TBCE: variants seen among roughly 807,000 people sequenced by gnomAD.
TBCE encodes tubulin-specific chaperone E.
TBCE carries 53 observed loss-of-function variants against 77.0 expected under a neutral mutation model. That is an observed-to-expected ratio of 0.69 (90% CI 0.55 to 0.87). The LOEUF (loss-of-function observed/expected upper bound fraction) is 0.87, where lower values mean the gene tolerates loss of function less well. Ranked by LOEUF, TBCE falls within the 40% of genes least tolerant of loss-of-function variation. The pLI is 0.00. For missense variants in TBCE, 624 were observed against 622.4 expected (o/e 1.00, Z -0.03); for synonymous variants, 235 against 241.3 (o/e 0.97, Z 0.24).
chr1:235,386,847 T>C (rs891410782), intron 2 of TBCE, among the ~76,000 whole-genome samples: 30 of 152,222 alleles, frequency 2.0e-4, no homozygotes, highest in Non-Finnish European at 4.0e-4. Flanking sequence ...GGTGAGGAGC[T>C]GTGTTCCTTT....
chr1:235,433,145 C>T, intron 7 of TBCE: 2 of 1,469,392 alleles, frequency 1.4e-6, no homozygotes, highest in South Asian at 2.7e-5. Context: ...AAAACCTGTG[C>T]TATCTGCAGG....
At chr1:235,405,417 C>T (rs1679363737) in intron 3 of TBCE, among the ~76,000 whole-genome samples, 1 of 150,758 alleles carries the variant, frequency 6.6e-6, no homozygotes, top group Non-Finnish European at 1.5e-5. Context: ...AGGAGGATCA[C>T]CTGAAGTCAA....
intron 5 of TBCE, among the ~76,000 whole-genome samples, chr1:235,420,733 G>A (rs529471373): frequency 2.6e-5 from 4 of 152,060 alleles, no homozygotes; most frequent in Non-Finnish European, 5.9e-5. Flanking sequence ...CGCCCACCTT[G>A]GCCTCCCAGA....
In TBCE at chr1:235,450,814, T is replaced by TAA. The variant is rs34729832; in HGVS notation, c.*2057_*2058dup. 1 of 153,404 alleles carries TAA rather than the reference T, an allele frequency of 6.5e-6. No individual in the cohort carries two copies. The highest frequency in any genetic ancestry group is 2.4e-5 in the African/African-American group (1 of 41,446). The allele number at this position is 153,404 out of a possible 1,614,324, so 9.5% of individuals were successfully genotyped here. ...AACAATTGAGGAACAAACGAAGAGT[T>TAA]AAAAAACTTGTTCCAGGTCACAGGG... is the stretch of plus-strand genomic sequence containing the variant. On this transcript the variant is annotated 3_prime_UTR_variant, in exon 17 of 17. Transcript: ENST00000642610.
At chr1:235,373,723 A>T (rs1235981668) in intron 1 of TBCE, among the ~76,000 whole-genome samples, 1 of 151,264 alleles carries the variant, frequency 6.6e-6, no homozygotes, top group Non-Finnish European at 1.5e-5. Flanking sequence ...ATCTCGGCTC[A>T]CTGCAAGCTC....
intron 3 of TBCE, among the ~76,000 whole-genome samples, chr1:235,402,291 T>A (rs1679161210): frequency 6.6e-6 from 1 of 151,996 alleles, no homozygotes; most frequent in Admixed American, 6.6e-5. Flanking sequence ...CCCGAACTCC[T>A]GACCTTGTGA....
intron 15 of TBCE, among the ~76,000 whole-genome samples, chr1:235,443,421 C>G (rs920612085): frequency 6.6e-6 from 1 of 152,054 alleles, no homozygotes; most frequent in Non-Finnish European, 1.5e-5. Context: ...AGGCTGGTCT[C>G]GAATTCCTGA....
intron 5 of TBCE, among the ~76,000 whole-genome samples, chr1:235,422,093 A>G (rs7355142): frequency 0.067 from 10,212 of 152,310 alleles, 648 homozygotes; most frequent in African/African-American, 0.17. Flanking sequence ...GTCATTTTCA[A>G]AAGTAGGCAG....
At chr1:235,396,606 T>C (rs1010234346) in intron 2 of TBCE, among the ~76,000 whole-genome samples, 7 of 152,212 alleles carry the variant, frequency 4.6e-5, no homozygotes, top group Non-Finnish European at 8.8e-5. Flanking sequence ...ACATTCCCAC[T>C]AACAGTGTGT....
intron 2 of TBCE, among the ~76,000 whole-genome samples, chr1:235,399,229 A>G (rs537540980): frequency 7.9e-5 from 12 of 152,224 alleles, no homozygotes; most frequent in Non-Finnish European, 7.3e-5. Context: ...TGCTGGGATT[A>G]CAGGCGTGAG....
At chr1:235,447,708 A>ATGAC (rs930205794) in intron 15 of TBCE, among the ~76,000 whole-genome samples, 4 of 152,232 alleles carry the variant, frequency 2.6e-5, no homozygotes, top group African/African-American at 7.2e-5. Context: ...GAAAACGTTA[A>ATGAC]TGACTCGCTC....
At chr1:235,402,128 A>G (rs1679148543) in intron 3 of TBCE, among the ~76,000 whole-genome samples, 1 of 150,892 alleles carries the variant, frequency 6.6e-6, no homozygotes, top group Non-Finnish European at 1.5e-5. Flanking sequence ...CAGTGGCACA[A>G]TCTCAGCTCA....
At chr1:235,421,339 C>T (rs759160980) in intron 5 of TBCE, among the ~76,000 whole-genome samples, 4 of 152,176 alleles carry the variant, frequency 2.6e-5, no homozygotes, top group Non-Finnish European at 5.9e-5. Context: ...TGCTTGAGCC[C>T]AGGAGTTTGA....
At chr1:235,443,158 A>G (rs1290962538) in intron 15 of TBCE, among the ~76,000 whole-genome samples, 1 of 149,858 alleles carries the variant, frequency 6.7e-6, no homozygotes, top group Non-Finnish European at 1.5e-5. Context: ...AAGCCCCTGC[A>G]TATAATTACA....
Position 235,427,162 on chromosome 1 carries a change from A to AAAAAACCTGTTGTCATCCCATGATG in TBCE, c.500_501insCCATGATGAAAAACCTGTTGTCATC (p.Trp168HisfsTer11). ...TAGATATCAGAAAGGTAGATTTGTC[A>AAAAAACCTGTTGTCATCCCATGATG]AAAAACCTGTTGTCATCATGGGATG... On this transcript the variant is annotated frameshift_variant, in exon 6 of 17. Transcript: ENST00000642610. LOFTEE classifies it high-confidence loss of function. 1.2e-6 allele frequency: 2 copies of AAAAAACCTGTTGTCATCCCATGATG among 1,613,654 alleles called. No homozygotes were observed. The highest frequency in any genetic ancestry group is 3.3e-4 in the Middle Eastern group (2 of 6,058).
intron 2 of TBCE, among the ~76,000 whole-genome samples, chr1:235,384,730 C>T (rs1029810856): frequency 2.7e-4 from 41 of 152,156 alleles, no homozygotes; most frequent in African/African-American, 8.7e-4. Flanking sequence ...GTCTTGCTAG[C>T]GGTCTATCAA....
chr1:235,404,656 A>G (rs555660517), intron 3 of TBCE, among the ~76,000 whole-genome samples: 6 of 151,672 alleles, frequency 4.0e-5, no homozygotes, highest in African/African-American at 1.2e-4. Context: ...TAACTTTTTT[A>G]TGTTATAAAC....
chr1:235,371,180 C>T (rs1375347135), intron 1 of TBCE, among the ~76,000 whole-genome samples: 1 of 149,616 alleles, frequency 6.7e-6, no homozygotes, highest in African/African-American at 2.5e-5. Context: ...CCTCAGCCTC[C>T]TCAGTAGCTG....
rs1345937686 is a variant in TBCE, at chr1:235,416,789, A to C, written c.371+2171A>C. Among the ~76,000 whole-genome samples the C allele has an allele frequency of 2.6e-5, 4 of 152,194 alleles. No individual in the cohort carries two copies. The East Asian group carries it at 7.7e-4, about 29-fold the overall frequency. On this transcript the variant is annotated intron_variant, in intron 4 of 16. Coordinates refer to ENST00000642610, the MANE Select transcript of TBCE (RefSeq NM_003193.5). The stretch of plus-strand genomic sequence containing the variant: ...ATTTTAGAGATTCTGGAGTAATCTC[A>C]TATGTTGGCTGGAGATTAGTCAATT...
Sources: gnomAD v4.1 joint callset for allele counts (sites outside exome capture counted in the v4.1 genomes callset) on GRCh38, gnomAD v4.1.1 for gene constraint, MANE v1.5 for transcripts, NCBI Gene and HGNC (gene_info 2026-07-23, HGNC 2026-07-21) for gene names.